PTGER3: variants seen among roughly 807,000 people sequenced by gnomAD.
PTGER3 encodes the protein prostaglandin E2 receptor EP3 subtype.
PTGER3 carries 22 observed loss-of-function variants against 34.7 expected under a neutral mutation model. That is an observed-to-expected ratio of 0.63 (90% CI 0.45 to 0.91). PTGER3 has a LOEUF of 0.91. PTGER3 is among the 40% of genes least tolerant of loss of function. The pLI is 0.00. For synonymous variants in PTGER3, 241 were observed against 230.1 expected (o/e 1.05, Z -0.43); for missense variants, 468 against 519.4 (o/e 0.90, Z 0.96).
intron 3 of PTGER3, 54 bp downstream of exon 3, chr1:70,974,243 A>G: frequency 1.2e-6 from 2 of 1,602,318 alleles, no homozygotes; most frequent in Non-Finnish European, 1.7e-6. Context: ...TCCGATTAGA[A>G]CAGAGAGACG....
At chr1:70,974,763 T>C (rs1398458367) in intron 2 of PTGER3, among the ~76,000 whole-genome samples, 3 of 152,206 alleles carry the variant, frequency 2.0e-5, no homozygotes, top group Non-Finnish European at 4.4e-5. Flanking sequence ...ATAGAATTCC[T>C]AACATGACAT....
intron 4 of PTGER3, among the ~76,000 whole-genome samples, chr1:70,940,351 TC>T (rs1370094149): frequency 6.6e-6 from 1 of 152,184 alleles, no homozygotes; most frequent in African/African-American, 2.4e-5. Flanking sequence ...TTCTTCTGAG[TC>T]CTCCAAACTG....
intron 2 of PTGER3, among the ~76,000 whole-genome samples, chr1:70,980,405 C>A (rs1654142250): frequency 6.6e-6 from 1 of 151,878 alleles, no homozygotes; most frequent in African/African-American, 2.4e-5. Flanking sequence ...AACTTGCTGG[C>A]CCTCAGTTTC....
chr1:70,941,211 AAT>A (rs1649731231), intron 4 of PTGER3, among the ~76,000 whole-genome samples: 1 of 152,154 alleles, frequency 6.6e-6, no homozygotes, highest in African/African-American at 2.4e-5. Context: ...CTGTTTTATG[AAT>A]ATCTTTCTAT....
At chr1:70,924,012 C>A in intron 4 of PTGER3, among the ~76,000 whole-genome samples, 1 of 152,026 alleles carries the variant, frequency 6.6e-6, no homozygotes, top group East Asian at 1.9e-4. Flanking sequence ...CACACCTTGA[C>A]TACACCATCC....
At chr1:70,861,128 A>C (rs1322426768) in intron 4 of PTGER3, among the ~76,000 whole-genome samples, 1 of 152,128 alleles carries the variant, frequency 6.6e-6, no homozygotes, top group Non-Finnish European at 1.5e-5. Context: ...TATTCCAACC[A>C]GAAAGAACTG....
At chr1:70,896,581 G>T (rs181062394) in intron 4 of PTGER3, among the ~76,000 whole-genome samples, 1 of 152,260 alleles carries the variant, frequency 6.6e-6, no homozygotes, top group Admixed American at 6.5e-5. Flanking sequence ...GTGGTAAATT[G>T]TTACAGCAGC....
At chr1:70,904,074 C>T (rs1023528105) in intron 4 of PTGER3, among the ~76,000 whole-genome samples, 1 of 139,464 alleles carries the variant, frequency 7.2e-6, no homozygotes, top group South Asian at 2.8e-4. Flanking sequence ...GTGAATGAGT[C>T]TCATGAGATC....
intron 2 of PTGER3, among the ~76,000 whole-genome samples, chr1:70,988,355 C>T (rs1655116703): frequency 1.3e-5 from 2 of 152,196 alleles, no homozygotes; most frequent in South Asian, 4.1e-4. Flanking sequence ...ATCCACTCTC[C>T]TCTCTTTCTA....
chr1:70,967,056 T>C (rs1390741537), downstream of PTGER3, among the ~76,000 whole-genome samples: 3 of 152,124 alleles, frequency 2.0e-5, no homozygotes, highest in East Asian at 1.9e-4. Context: ...CTAATTTACA[T>C]TTTTTCTTAA....
intron 4 of PTGER3, among the ~76,000 whole-genome samples, chr1:70,905,247 G>C (rs954308647): frequency 6.6e-6 from 1 of 152,072 alleles, no homozygotes; most frequent in Non-Finnish European, 1.5e-5. Flanking sequence ...GGCATTCATG[G>C]ACAACCTTCT....
chr1:71,024,704 G>A (rs751212266), intron 1 of PTGER3, among the ~76,000 whole-genome samples: 9 of 129,456 alleles, frequency 7.0e-5, no homozygotes, highest in African/African-American at 1.8e-4. Flanking sequence ...ACAGGTGCCC[G>A]CCACCGTGCA....
chr1:70,869,819 G>T (rs1449681582), intron 4 of PTGER3, among the ~76,000 whole-genome samples: 1 of 152,174 alleles, frequency 6.6e-6, no homozygotes, highest in Non-Finnish European at 1.5e-5. Context: ...AGCTTCGCAG[G>T]GTTCGGTCCC....
At chr1:71,000,197 C>A (rs1172366816) in intron 2 of PTGER3, among the ~76,000 whole-genome samples, 1 of 152,176 alleles carries the variant, frequency 6.6e-6, no homozygotes, top group Non-Finnish European at 1.5e-5. Context: ...TCATGGATAA[C>A]ACATGATTAT....
chr1:71,036,268 C>T (rs530264157), intron 1 of PTGER3, among the ~76,000 whole-genome samples: 1 of 152,280 alleles, frequency 6.6e-6, no homozygotes, highest in African/African-American at 2.4e-5. Context: ...AACCTCTTCT[C>T]TCAAGATTTG....
chr1:70,900,966 T>C (rs577380499), intron 4 of PTGER3, among the ~76,000 whole-genome samples: 1 of 152,186 alleles, frequency 6.6e-6, no homozygotes, highest in African/African-American at 2.4e-5. Context: ...TTAGACATAC[T>C]GCAAGGGTAT....
rs183388633 is a variant in PTGER3 at position 70,974,050 on chromosome 1, T to C, written c.1169+247A>G. ...AATCAGTGACTTACAGATTCTTTCA[T>C]GGCAAGAGACTTGATCAGTCACAAG... On this transcript the variant is annotated intron_variant, in intron 3 of 3. Coordinates refer to ENST00000306666, the MANE Select transcript of PTGER3 (RefSeq NM_198719.2). Among the ~76,000 whole-genome samples the C allele has an allele frequency of 5.9e-3, 899 of 152,280 alleles. 7 individuals are homozygous for C. The highest frequency in any genetic ancestry group is 9.8e-3 in the Non-Finnish European group (668 of 68,020).
intron 4 of PTGER3, among the ~76,000 whole-genome samples, chr1:70,927,931 G>T (rs1241798886): frequency 6.6e-6 from 1 of 152,022 alleles, no homozygotes; most frequent in Non-Finnish European, 1.5e-5. Context: ...CTGATCTAAT[G>T]ATTTTTAAGT....
intron 4 of PTGER3, among the ~76,000 whole-genome samples, chr1:70,859,715 T>G (rs1203765332): frequency 1.3e-5 from 2 of 152,194 alleles, no homozygotes; most frequent in Non-Finnish European, 2.9e-5. Flanking sequence ...TCGTAAGAAA[T>G]GCAGAAGGAG....
Sources: gnomAD v4.1 joint callset for allele counts (sites outside exome capture counted in the v4.1 genomes callset) on GRCh38, gnomAD v4.1.1 for gene constraint, MANE v1.5 for transcripts, NCBI Gene and HGNC (gene_info 2026-07-23, HGNC 2026-07-21) for gene names.